The following MLLT10 variants were observed in gnomAD, a reference collection of about 807,000 sequenced individuals.
MLLT10 encodes protein AF-10.
In MLLT10, 30 loss-of-function variants were observed where a neutral mutation model predicts 129.1. The observed-to-expected ratio is 0.23, with a 90% confidence interval of 0.17 to 0.32. The LOEUF (loss-of-function observed/expected upper bound fraction) is 0.32. MLLT10 is among the 10% of genes least tolerant of loss of function. The pLI, the probability that MLLT10 is intolerant of heterozygous loss-of-function variation, is 1.00. For synonymous variants in MLLT10, 490 were observed against 446.4 expected (o/e 1.10, Z -1.23); for missense variants, 1,119 against 1,268.3 (o/e 0.88, Z 1.79).
chr10:21,739,880 A>G (rs558466541), intron 21 of MLLT10, 150 bp from the exon 22 acceptor site: 2 of 654,458 alleles, frequency 3.1e-6, no homozygotes, highest in East Asian at 5.5e-5. Context: ...GATGGTTATT[A>G]TCTAGTGCAG....
intron 14 of MLLT10, among the ~76,000 whole-genome samples, chr10:21,720,378 G>A (rs2057043594): frequency 1.3e-5 from 2 of 152,192 alleles, no homozygotes; most frequent in South Asian, 4.1e-4. Context: ...GAGTATTGAA[G>A]CCTTACTGGC....
chr10:21,543,804 G>A (rs1248654296), intron 3 of MLLT10, among the ~76,000 whole-genome samples: 1 of 152,040 alleles, frequency 6.6e-6, no homozygotes, highest in Non-Finnish European at 1.5e-5. Context: ...TGAAAGGCAG[G>A]GTCCTTTGTA....
intron 4 of MLLT10, among the ~76,000 whole-genome samples, 182 bp from the exon 5 acceptor site, chr10:21,595,149 C>CT (rs889421422): frequency 2.6e-5 from 4 of 151,676 alleles, no homozygotes; most frequent in East Asian, 1.9e-4. Flanking sequence ...ATTAAGAATG[C>CT]TTTTTTTTGG....
chr10:21,604,697 GA>G (rs1221876532), intron 5 of MLLT10, among the ~76,000 whole-genome samples: 1 of 152,162 alleles, frequency 6.6e-6, no homozygotes, highest in Non-Finnish European at 1.5e-5. Context: ...CATTCCAAAA[GA>G]GATAAATTGG....
At chr10:21,738,490 G>A in intron 21 of MLLT10, 2 of 1,288,652 alleles carry the variant, frequency 1.6e-6, no homozygotes, top group Non-Finnish European at 2.0e-6. Context: ...CTAAAGGACT[G>A]TACTTTTTCC....
intron 13 of MLLT10, chr10:21,708,595 AG>A (rs1179199473): frequency 2.0e-6 from 2 of 985,102 alleles, no homozygotes; most frequent in African/African-American, 3.5e-5. Context: ...CAGTAAACTG[AG>A]TACCAGATAT....
At chr10:21,659,246 C>T (rs370820129) in intron 9 of MLLT10, among the ~76,000 whole-genome samples, 3 of 152,174 alleles carry the variant, frequency 2.0e-5, no homozygotes, top group African/African-American at 7.2e-5. Flanking sequence ...GCTTTTAAAA[C>T]TATAATTCAG....
At position 21,534,319 on chromosome 10, in the gene MLLT10, C is replaced by A. The variant is rs1031614193; in HGVS notation, c.-202C>A. On this transcript the variant is annotated 5_prime_UTR_variant, in exon 1 of 23. Coordinates refer to ENST00000307729, the MANE Select transcript of MLLT10 (RefSeq NM_001195626.3). The stretch of plus-strand genomic sequence containing the variant: ...GGCCCAGCGGGAGCCCCCCCTCCCC[C>A]CAGTGCGCCTGTGCGGAGGCCCTCT... 26 of 395,528 alleles carry A rather than the reference C, an allele frequency of 6.6e-5. 1 individual carries two copies. Among genetic ancestry groups the A allele is most frequent in the South Asian group, 2.1e-4 (2 of 9,406 alleles). The allele number at this position is 395,528 out of a possible 1,614,324, so 24.5% of individuals were successfully genotyped here.
chr10:21,537,413 T>C (rs534839573), intron 2 of MLLT10, among the ~76,000 whole-genome samples: 1 of 152,308 alleles, frequency 6.6e-6, no homozygotes, highest in African/African-American at 2.4e-5. Flanking sequence ...TTCTCCTGCC[T>C]CAGCCTCCTG....
intron 5 of MLLT10, among the ~76,000 whole-genome samples, chr10:21,595,879 C>G (rs1361018205): frequency 6.6e-6 from 1 of 151,630 alleles, no homozygotes; most frequent in African/African-American, 2.4e-5. Flanking sequence ...TATTTGTACC[C>G]CAAGATATGG....
At chr10:21,593,046 C>G (rs2042664429) in intron 4 of MLLT10, among the ~76,000 whole-genome samples, 1 of 151,666 alleles carries the variant, frequency 6.6e-6, no homozygotes, top group Non-Finnish European at 1.5e-5. Flanking sequence ...CTGTTTTGTT[C>G]CTACTAATTC....
intron 13 of MLLT10, among the ~76,000 whole-genome samples, chr10:21,682,955 T>C (rs1404692728): frequency 6.6e-6 from 1 of 152,258 alleles, no homozygotes; most frequent in African/African-American, 2.4e-5. Context: ...TTTTCAGTTA[T>C]TAACAGATCT....
chr10:21,631,313 C>CAAAAAA (rs991306894), intron 8 of MLLT10, among the ~76,000 whole-genome samples: 246 of 46,890 alleles, frequency 5.2e-3, no homozygotes, highest in Non-Finnish European at 6.8e-3. Flanking sequence ...GACTCCGTCT[C>CAAAAAA]AAAAAAAAAA....
intron 3 of MLLT10, among the ~76,000 whole-genome samples, chr10:21,563,896 T>C (rs1404556901): frequency 6.6e-6 from 1 of 151,752 alleles, no homozygotes; most frequent in African/African-American, 2.4e-5. Flanking sequence ...CACTGCGGGC[T>C]CCACCTCCCA....
At chr10:21,674,831 A>G (rs1036930917) in intron 11 of MLLT10, among the ~76,000 whole-genome samples, 5 of 152,306 alleles carry the variant, frequency 3.3e-5, no homozygotes, top group Admixed American at 3.3e-4. Flanking sequence ...TATTTGTTCT[A>G]TTAGTTGGTG....
At chr10:21,658,361 T>C (rs2049820619) in intron 9 of MLLT10, among the ~76,000 whole-genome samples, 1 of 152,178 alleles carries the variant, frequency 6.6e-6, no homozygotes, top group Admixed American at 6.5e-5. Context: ...TGGAAACATA[T>C]AGTATGTATG....
chr10:21,545,535 G>A (rs556774019), intron 3 of MLLT10, among the ~76,000 whole-genome samples: 2 of 152,304 alleles, frequency 1.3e-5, no homozygotes, highest in South Asian at 4.1e-4. Flanking sequence ...TAAGGAAAGA[G>A]AAAAATTAAA....
chr10:21,598,636 C>T (rs528055460), intron 5 of MLLT10, among the ~76,000 whole-genome samples: 2 of 152,284 alleles, frequency 1.3e-5, no homozygotes, highest in African/African-American at 4.8e-5. Context: ...GTAATCCTAG[C>T]ATTTTGGGAG....
intron 13 of MLLT10, among the ~76,000 whole-genome samples, chr10:21,707,744 C>G (rs1364229846): frequency 6.6e-6 from 1 of 152,222 alleles, no homozygotes; most frequent in Non-Finnish European, 1.5e-5. Flanking sequence ...ATTCAGAACA[C>G]CTGTACATGG....
Sources: allele counts gnomAD v4.1 joint callset (sites outside exome capture counted in the v4.1 genomes callset), GRCh38; gene constraint gnomAD v4.1.1; transcripts MANE v1.5; gene names NCBI Gene and HGNC (gene_info 2026-07-23, HGNC 2026-07-21).